Variants in CSMD1 observed in about 807,000 individuals in gnomAD.
CSMD1 encodes the protein CUB and Sushi multiple domains 1.
CSMD1 carries 213 observed loss-of-function variants against 417.5 expected under a neutral mutation model. The observed-to-expected ratio is 0.51, with a 90% CI of 0.46 to 0.57. CSMD1 has a LOEUF of 0.57. Among genes scored for constraint, CSMD1 ranks in the 20% least tolerant of loss-of-function variants. The probability of loss-of-function intolerance (pLI) is 0.00; values close to 1 mark genes in which losing one functional copy is unlikely to be tolerated. For missense variants in CSMD1, 6,923 were observed against 4,529.7 expected, an observed-to-expected ratio of 1.53 and a Z score of -15.17; for synonymous variants, 2,862 against 1,736.8, an observed-to-expected ratio of 1.65 and a Z score of -16.11.
chr8:4,560,157 C>A (rs530950389), intron 2 of CSMD1, among the ~76,000 whole-genome samples: 2 of 152,196 alleles, frequency 1.3e-5, no homozygotes, highest in African/African-American at 4.8e-5. Flanking sequence ...CTGAGAAAAC[C>A]GCGCTCATCT....
chr8:4,740,001 C>T (rs1416631624), intron 1 of CSMD1, among the ~76,000 whole-genome samples: 3 of 152,118 alleles, frequency 2.0e-5, no homozygotes, highest in East Asian at 1.9e-4. Context: ...AGGCATCTTC[C>T]TTTCCCACCC....
intron 2 of CSMD1, among the ~76,000 whole-genome samples, chr8:4,622,694 A>T (rs995110086): frequency 6.6e-6 from 1 of 152,194 alleles, no homozygotes; most frequent in Non-Finnish European, 1.5e-5. Context: ...TGATGATGAC[A>T]GAATTCATTA....
chr8:4,060,424 G>A (rs960276257), intron 3 of CSMD1, among the ~76,000 whole-genome samples: 2 of 152,158 alleles, frequency 1.3e-5, no homozygotes, highest in East Asian at 3.8e-4. Context: ...ATTCAACATA[G>A]TGTTGGAAGT....
At chr8:4,132,338 T>C (rs999469134) in intron 3 of CSMD1, among the ~76,000 whole-genome samples, 6 of 152,140 alleles carry the variant, frequency 3.9e-5, no homozygotes, top group African/African-American at 7.2e-5. Context: ...AGAATATAAA[T>C]GTCCTTTTCT....
chr8:4,343,127 A>AT (rs1437325819), intron 3 of CSMD1, among the ~76,000 whole-genome samples: 12 of 152,134 alleles, frequency 7.9e-5, no homozygotes, highest in African/African-American at 2.9e-4. Flanking sequence ...TCTCCAAAAC[A>AT]TAAAAACAGA....
At chr8:3,539,262 C>T (rs542196624) in intron 10 of CSMD1, among the ~76,000 whole-genome samples, 1 of 152,124 alleles carries the variant, frequency 6.6e-6, no homozygotes, top group Non-Finnish European at 1.5e-5. Flanking sequence ...CTCTCCTGGG[C>T]GGATTTAGAT....
At chr8:4,154,963 G>T (rs761266463) in intron 3 of CSMD1, among the ~76,000 whole-genome samples, 1 of 152,102 alleles carries the variant, frequency 6.6e-6, no homozygotes, top group African/African-American at 2.4e-5. Flanking sequence ...TGAAAATTAA[G>T]TGGGCTACCC....
At chr8:3,019,493 A>G (rs964194302) in intron 51 of CSMD1, among the ~76,000 whole-genome samples, 1 of 152,220 alleles carries the variant, frequency 6.6e-6, no homozygotes, top group African/African-American at 2.4e-5. Context: ...TCGGAATGCA[A>G]TAGCAGTGCT....
chr8:4,346,111 T>C (rs941998495), intron 3 of CSMD1, among the ~76,000 whole-genome samples: 2 of 152,146 alleles, frequency 1.3e-5, no homozygotes, highest in African/African-American at 4.8e-5. Context: ...TCTTCAGCAT[T>C]AGAAAGGACC....
At chr8:4,670,386 A>C (rs1203580483) in intron 1 of CSMD1, among the ~76,000 whole-genome samples, 1 of 152,104 alleles carries the variant, frequency 6.6e-6, no homozygotes, top group Non-Finnish European at 1.5e-5. Context: ...ATGTTCTCCT[A>C]ATAAGTGAAG....
intron 1 of CSMD1, among the ~76,000 whole-genome samples, chr8:4,975,003 G>A (rs186183313): frequency 6.6e-6 from 1 of 152,232 alleles, no homozygotes; most frequent in East Asian, 1.9e-4. Flanking sequence ...GAAAATGGAT[G>A]TTTTTTTCTA....
At chr8:4,945,402 C>A (rs1002234924) in intron 1 of CSMD1, among the ~76,000 whole-genome samples, 1 of 151,764 alleles carries the variant, frequency 6.6e-6, no homozygotes, top group Non-Finnish European at 1.5e-5. Flanking sequence ...TAGTAAATTT[C>A]ATATTATGTA....
intron 2 of CSMD1, among the ~76,000 whole-genome samples, chr8:4,558,703 C>G (rs1179209593): frequency 6.6e-6 from 1 of 151,950 alleles, no homozygotes; most frequent in Non-Finnish European, 1.5e-5. Context: ...TCCGCCTCTA[C>G]TAAAAATACA....
At chr8:4,057,414 T>C (rs1798752600) in intron 3 of CSMD1, among the ~76,000 whole-genome samples, 1 of 152,198 alleles carries the variant, frequency 6.6e-6, no homozygotes, top group Non-Finnish European at 1.5e-5. Context: ...TTTGAGTTCA[T>C]TGTAGATTCT....
intron 42 of CSMD1, among the ~76,000 whole-genome samples, chr8:3,111,275 C>T (rs1459142539): frequency 6.6e-6 from 1 of 152,218 alleles, no homozygotes; most frequent in Non-Finnish European, 1.5e-5. Flanking sequence ...ATATGATACA[C>T]TGTTGAACTG....
At chr8:3,228,758 G>A (rs539602630) in intron 27 of CSMD1, among the ~76,000 whole-genome samples, 1 of 151,272 alleles carries the variant, frequency 6.6e-6, no homozygotes, top group South Asian at 2.1e-4. Flanking sequence ...TCCTCCACGA[G>A]CCTAAAAACA....
At chr8:2,997,134 T>C (rs969895460) in intron 54 of CSMD1, among the ~76,000 whole-genome samples, 7 of 152,238 alleles carry the variant, frequency 4.6e-5, no homozygotes, top group African/African-American at 1.7e-4. Flanking sequence ...TTCATCAGTG[T>C]GTTGGTCAAA....
At chr8:3,188,304 C>CTTT (rs33913660) in intron 35 of CSMD1, among the ~76,000 whole-genome samples, 978 of 87,616 alleles carry the variant, frequency 0.011, 150 homozygotes, top group East Asian at 0.061. Flanking sequence ...CTTTTCCTTT[C>CTTT]TTTTTTTTTT....
intron 26 of CSMD1, among the ~76,000 whole-genome samples, chr8:3,242,044 G>T (rs1344549434): frequency 1.3e-5 from 1 of 74,892 alleles, no homozygotes; most frequent in African/African-American, 4.0e-5. Context: ...AACTGGGCTG[G>T]ATTTTTATAT....
Sources: gnomAD v4.1 joint callset for allele counts (sites outside exome capture counted in the v4.1 genomes callset) on GRCh38, gnomAD v4.1.1 for gene constraint, MANE v1.5 for transcripts, NCBI Gene and HGNC (gene_info 2026-07-23, HGNC 2026-07-21) for gene names.